The following IKZF2 variants were observed in gnomAD, a reference collection of about 807,000 sequenced individuals.
IKZF2 encodes the protein zinc finger protein Helios.
IKZF2 carries 15 observed loss-of-function variants against 49.2 expected under a neutral mutation model. The observed-to-expected ratio is 0.30, with a 90% confidence interval of 0.20 to 0.47. IKZF2 has a LOEUF of 0.47. IKZF2 is among the 20% of genes least tolerant of loss of function. The pLI is 1.00. For missense variants in IKZF2, 567 were observed against 664.6 expected (o/e 0.85, Z 1.61); for synonymous variants, 227 against 221.4 (o/e 1.03, Z -0.23).
intron 2 of IKZF2, among the ~76,000 whole-genome samples, chr2:213,149,451 C>T (rs1419239654): frequency 6.6e-6 from 1 of 152,132 alleles, no homozygotes; most frequent in Non-Finnish European, 1.5e-5. Context: ...ATGACACCCC[C>T]TAGCTTTGAT....
At chr2:213,086,010 G>A (rs921987173) in intron 4 of IKZF2, among the ~76,000 whole-genome samples, 2 of 152,070 alleles carry the variant, frequency 1.3e-5, no homozygotes, top group African/African-American at 4.8e-5. Context: ...GTGGGGTAAA[G>A]AATAATTGCT....
intron 4 of IKZF2, among the ~76,000 whole-genome samples, chr2:213,132,398 G>A (rs551070434): frequency 6.6e-6 from 1 of 151,732 alleles, no homozygotes; most frequent in South Asian, 2.1e-4. Flanking sequence ...ACCCAAAAAA[G>A]GTGAAACTTC....
chr2:213,033,961 C>A (rs1275225248), intron 6 of IKZF2, among the ~76,000 whole-genome samples: 1 of 152,202 alleles, frequency 6.6e-6, no homozygotes, highest in East Asian at 1.9e-4. Context: ...ATCACAACCA[C>A]CTTCATTAAT....
chr2:213,108,756 C>A (rs1172453468), intron 4 of IKZF2, among the ~76,000 whole-genome samples: 1 of 151,790 alleles, frequency 6.6e-6, no homozygotes, highest in Non-Finnish European at 1.5e-5. Flanking sequence ...AAAAGCAATA[C>A]AACATATTGC....
chr2:213,035,187 T>A (rs901315636), intron 6 of IKZF2, among the ~76,000 whole-genome samples: 16 of 152,182 alleles, frequency 1.1e-4, no homozygotes, highest in African/African-American at 2.6e-4. Flanking sequence ...GAGTATATAT[T>A]TTTTTTAATC....
chr2:213,115,102 T>C (rs2125795946), intron 4 of IKZF2, among the ~76,000 whole-genome samples: 1 of 152,308 alleles, frequency 6.6e-6, no homozygotes, highest in South Asian at 2.1e-4. Flanking sequence ...AGCTGGATAA[T>C]AAATATATAC....
intron 4 of IKZF2, among the ~76,000 whole-genome samples, chr2:213,136,506 T>C (rs145453830): frequency 6.3e-4 from 96 of 152,150 alleles, no homozygotes; most frequent in African/African-American, 2.2e-3. Flanking sequence ...CATTTGTACA[T>C]GAAAATGCCT....
intron 4 of IKZF2, among the ~76,000 whole-genome samples, chr2:213,080,056 T>C (rs577256809): frequency 2.0e-5 from 3 of 152,234 alleles, no homozygotes; most frequent in South Asian, 4.1e-4. Flanking sequence ...CCAATTCCAG[T>C]TCCCACAACT....
At chr2:213,087,721 A>G (rs979629486) in intron 4 of IKZF2, among the ~76,000 whole-genome samples, 5 of 152,104 alleles carry the variant, frequency 3.3e-5, no homozygotes, top group African/African-American at 9.7e-5. Flanking sequence ...CTCATTGTTC[A>G]GTTCCCACCT....
intron 4 of IKZF2, among the ~76,000 whole-genome samples, chr2:213,110,619 C>T (rs993874790): frequency 2.6e-5 from 4 of 151,894 alleles, no homozygotes; most frequent in Non-Finnish European, 5.9e-5. Context: ...AAAAACAATG[C>T]TGCAATGAAT....
chr2:213,061,409 T>G (rs1283727737), intron 4 of IKZF2, among the ~76,000 whole-genome samples: 4 of 151,540 alleles, frequency 2.6e-5, no homozygotes, highest in Non-Finnish European at 5.9e-5. Flanking sequence ...TCATGTTATT[T>G]TGTGAATCTA....
chr2:213,124,078 C>G (rs1209834110), intron 4 of IKZF2, among the ~76,000 whole-genome samples: 1 of 152,014 alleles, frequency 6.6e-6, no homozygotes, highest in Non-Finnish European at 1.5e-5. Flanking sequence ...AAGCAAAATC[C>G]CAGAGACCAC....
At chr2:213,078,803 C>T (rs1016514326) in intron 4 of IKZF2, among the ~76,000 whole-genome samples, 5 of 152,174 alleles carry the variant, frequency 3.3e-5, no homozygotes, top group African/African-American at 1.2e-4. Context: ...ATTCTGCTGT[C>T]ATTTCCTGCC....
chr2:213,147,657 T>A (rs747384672), intron 4 of IKZF2, 51 bp downstream of exon 4: 3 of 1,343,734 alleles, frequency 2.2e-6, no homozygotes, highest in Non-Finnish European at 3.2e-6. Flanking sequence ...TTAAAGTCTG[T>A]TGCTGGAGAG....
chr2:213,092,990 G>A (rs1388776762), intron 4 of IKZF2, among the ~76,000 whole-genome samples: 2 of 152,124 alleles, frequency 1.3e-5, no homozygotes, highest in Non-Finnish European at 1.5e-5. Context: ...TCAGGGAGTG[G>A]CAGACTTCTA....
chr2:213,062,604 T>G (rs1027348667), intron 4 of IKZF2, among the ~76,000 whole-genome samples: 8 of 151,894 alleles, frequency 5.3e-5, no homozygotes, highest in Non-Finnish European at 1.2e-4. Context: ...AAAGTGTATT[T>G]CAGGTGTGAT....
intron 5 of IKZF2, among the ~76,000 whole-genome samples, chr2:213,050,387 C>T: frequency 6.6e-6 from 1 of 152,114 alleles, no homozygotes; most frequent in East Asian, 1.9e-4. Flanking sequence ...TTTCTTTTAC[C>T]ATGCTATCTC....
chr2:213,145,243 A>G (rs1021594704), intron 4 of IKZF2, among the ~76,000 whole-genome samples: 2 of 151,578 alleles, frequency 1.3e-5, no homozygotes, highest in African/African-American at 2.4e-5. Flanking sequence ...CTCCTTACAC[A>G]TATATTCCCA....
At chr2:213,118,607 T>C (rs1358989015) in intron 4 of IKZF2, among the ~76,000 whole-genome samples, 1 of 152,238 alleles carries the variant, frequency 6.6e-6, no homozygotes, top group Non-Finnish European at 1.5e-5. Flanking sequence ...TAAAACTTTT[T>C]TTCCCAGAAA....
Sources: allele counts gnomAD v4.1 joint callset (sites outside exome capture counted in the v4.1 genomes callset), GRCh38; gene constraint gnomAD v4.1.1; transcripts MANE v1.5; gene names NCBI Gene and HGNC (gene_info 2026-07-23, HGNC 2026-07-21).